The following ALG8 variants were observed in gnomAD, a reference collection of about 807,000 sequenced individuals.
The protein encoded by ALG8 is ALG8 alpha-1,3-glucosyltransferase.
Under a neutral mutation model 70.2 loss-of-function variants are expected in ALG8, and 48 were observed. The observed-to-expected ratio is 0.68, with a 90% CI of 0.54 to 0.87. The LOEUF (loss-of-function observed/expected upper bound fraction) is 0.87, where lower values mean the gene tolerates loss of function less well. ALG8 is among the 40% of genes least tolerant of loss of function. The pLI, the probability that ALG8 is intolerant of heterozygous loss-of-function variation, is 0.00. For synonymous variants in ALG8, 234 were observed against 229.0 expected, an observed-to-expected ratio of 1.02 and a Z score of -0.20; for missense variants, 572 against 608.7, an observed-to-expected ratio of 0.94 and a Z score of 0.64.
intron 10 of ALG8, among the ~76,000 whole-genome samples, chr11:78,106,074 C>A (rs1346126697): frequency 2.0e-5 from 3 of 152,178 alleles, no homozygotes; most frequent in Non-Finnish European, 2.9e-5. Flanking sequence ...TCTGGAAAAT[C>A]TGAAATGTAG....
intron 2 of ALG8, among the ~76,000 whole-genome samples, chr11:78,125,200 T>G (rs899418346): frequency 1.3e-5 from 2 of 151,644 alleles, no homozygotes; most frequent in African/African-American, 4.8e-5. Context: ...ACCCGGCTAA[T>G]TTTTTGTATT....
At chr11:78,131,375 G>T (rs1048377257) in intron 1 of ALG8, among the ~76,000 whole-genome samples, 3 of 152,180 alleles carry the variant, frequency 2.0e-5, no homozygotes, top group Non-Finnish European at 2.9e-5. Flanking sequence ...GGCCATGGTG[G>T]GAGGATAGCT....
intron 3 of ALG8, among the ~76,000 whole-genome samples, chr11:78,123,310 A>G (rs1860906809): frequency 8.6e-6 from 1 of 116,394 alleles, no homozygotes; most frequent in Admixed American, 8.5e-5. Flanking sequence ...CTCAGGGAAA[A>G]AAAAGAAAAA....
chr11:78,119,077 C>A, intron 5 of ALG8, 105 bp downstream of exon 5: 1 of 859,120 alleles, frequency 1.2e-6, no homozygotes, highest in Non-Finnish European at 1.9e-6. Flanking sequence ...CACTTGGCAG[C>A]TCAAAACAGT....
chr11:78,111,269 G>A (rs1191063740), intron 8 of ALG8, among the ~76,000 whole-genome samples: 3 of 152,150 alleles, frequency 2.0e-5, no homozygotes, highest in East Asian at 1.9e-4. Flanking sequence ...ACTAATAGGT[G>A]GTAAAACTGA....
rs886048689 is a variant in ALG8, at chr11:78,139,593, G to A, written c.-5C>T. On this transcript the variant is annotated 5_prime_UTR_variant, in exon 1 of 13. Transcript: ENST00000299626. Reference sequence around the variant, plus strand: ...GGCAATTGTGAGCGCCGCCATTGCTGCGGCACCGCACGCTTCCCACCAACT... The same window carrying A: ...GGCAATTGTGAGCGCCGCCATTGCTACGGCACCGCACGCTTCCCACCAACT... The A allele has an allele frequency of 3.9e-6, 6 of 1,553,466 alleles. No homozygotes were observed. The African/African-American group carries it at 4.1e-5, about 11-fold the overall frequency.
chr11:78,132,396 CCTT>C, intron 1 of ALG8, among the ~76,000 whole-genome samples: 1 of 152,288 alleles, frequency 6.6e-6, no homozygotes, highest in South Asian at 2.1e-4. Flanking sequence ...TCCTGACTCT[CCTT>C]CTGCCTCCTC....
In ALG8 at chr11:78,101,096, C is replaced by A; in HGVS notation, c.1449G>T (p.Trp483Cys). The change falls in exon 13 of 13, where the codon TGG becomes TGT. Residue 483 changes from tryptophan to cysteine, a missense_variant. Coordinates refer to ENST00000299626, the MANE Select transcript of ALG8 (RefSeq NM_024079.5). ...CCEFVFPFTS[W>C]KVKYPFIPLL... is the part of the protein sequence containing the mutation. ...AAGGGATGAAGGGGTACTTCACCTT[C>A]CAGGAGGTGAAAGGGAATACAAATT... 2 of 1,614,124 alleles carry A rather than the reference C, an allele frequency of 1.2e-6. No homozygotes were observed. The highest frequency in any genetic ancestry group is 1.7e-6 in the Non-Finnish European group (2 of 1,180,004).
rs200665495 is a variant in ALG8, at chr11:78,119,132, C to G, written c.546+50G>C. The stretch of plus-strand genomic sequence containing the variant: ...CCCACTACACTGTTCCCTTTACAAT[C>G]TAAAAACTAATCTAAAAGGGAAAAA... On this transcript the variant is annotated intron_variant, in intron 5 of 12. Transcript: ENST00000299626. 5.5e-4 allele frequency: 794 copies of G among 1,455,150 alleles called. 1 individual carries two copies. Among genetic ancestry groups the G allele is most frequent in the Non-Finnish European group, 6.7e-4 (702 of 1,040,646 alleles). 90.1% of individuals were successfully genotyped at this position (1,455,150 alleles called of 1,614,324 possible). A position where few individuals can be genotyped will look rare whatever the true frequency, so the allele number is the denominator to read the frequency against.
intron 3 of ALG8, among the ~76,000 whole-genome samples, chr11:78,122,119 T>C (rs1381219099): frequency 1.3e-5 from 2 of 152,158 alleles, no homozygotes; most frequent in Non-Finnish European, 2.9e-5. Context: ...AAGACGATAT[T>C]GAAAATGTGC....
intron 5 of ALG8, among the ~76,000 whole-genome samples, chr11:78,117,945 C>T (rs1375237731): frequency 6.6e-6 from 1 of 151,830 alleles, no homozygotes; most frequent in Non-Finnish European, 1.5e-5. Flanking sequence ...GTGGCAGGCG[C>T]CTGTAGTCCC....
chr11:78,139,585 C>A lies in ALG8; in HGVS notation c.4G>T (p.Ala2Ser), dbSNP rs375167202. ...GTACCCGTGGCAATTGTGAGCGCCG[C>A]CATTGCTGCGGCACCGCACGCTTCC... MAALTIATGTGN... is the reference protein window; with the variant it reads MSALTIATGTGN... Residue 2 changes from alanine to serine, a missense_variant, in exon 1 of 13, where the codon GCG becomes TCG. By Grantham distance (99) the Ala-to-Ser change is moderately conservative. Transcript: ENST00000299626. 3 of 1,554,776 alleles carry A rather than the reference C, an allele frequency of 1.9e-6. No homozygotes were observed. Among genetic ancestry groups the A allele is most frequent in the African/African-American group, 2.7e-5 (2 of 73,242 alleles).
chr11:78,125,193 C>T (rs562011607), intron 2 of ALG8, among the ~76,000 whole-genome samples: 80 of 151,806 alleles, frequency 5.3e-4, no homozygotes, highest in Non-Finnish European at 9.1e-4. Context: ...CCACCACACC[C>T]GGCTAATTTT....
chr11:78,102,034 G>T (rs117961204), intron 12 of ALG8, among the ~76,000 whole-genome samples: 3,883 of 152,220 alleles, frequency 0.026, 83 homozygotes, highest in Middle Eastern at 0.048. Flanking sequence ...TAGAGACAAG[G>T]TTTCACCAGA....
chr11:78,109,101 C>G (rs951656687), intron 9 of ALG8, among the ~76,000 whole-genome samples: 2 of 152,140 alleles, frequency 1.3e-5, no homozygotes, highest in African/African-American at 4.8e-5. Context: ...GTGAGAAAAA[C>G]AAACCAAATC....
Position 78,104,012 on chromosome 11 carries a change from T to C in ALG8, c.1317A>G (p.Ile439Met). The stretch of plus-strand genomic sequence containing the variant: ...AAGTCTTCAGTGACGAAATACTATA[T>C]ATGGTGAATAGTAACATGAGTAAGA... ...IKILLMLLFT[I>M]YSISSLKTLF... The change falls in exon 12 of 13, where the codon ATA (isoleucine) becomes ATG (methionine). Residue 439 changes from isoleucine to methionine, a missense_variant. Transcript: ENST00000299626. The C allele has an allele frequency of 1.3e-6, 2 of 1,507,648 alleles. No homozygotes were observed. Among genetic ancestry groups the C allele is most frequent in the Non-Finnish European group, 1.8e-6 (2 of 1,087,012 alleles). The allele number at this position is 1,507,648 out of a possible 1,614,324, so 93.4% of individuals were successfully genotyped here.
rs894400546 is a variant in ALG8 at position 78,119,311 on chromosome 11, G to A, written c.479-62C>T. On this transcript the variant is annotated intron_variant, in intron 4 of 12. Transcript: ENST00000299626. ...AAATTCATAATGAACTATACCAGCT[G>A]ATGGAGTATAGAAATTCCAAATGCT... 22 of 1,209,274 alleles carry A rather than the reference G, an allele frequency of 1.8e-5. No homozygotes were observed. The African/African-American group carries it at 3.1e-4, about 17-fold the overall frequency. The allele number at this position is 1,209,274 out of a possible 1,614,324, so 74.9% of individuals were successfully genotyped here.
chr11:78,109,646 A>G (rs1860195053), intron 8 of ALG8, 65 bp from the exon 9 acceptor site: 1 of 1,444,916 alleles, frequency 6.9e-7, no homozygotes, highest in Non-Finnish European at 9.7e-7. Context: ...ATATATTAAC[A>G]ATCAATTCCT....
At chr11:78,114,632 T>G in intron 5 of ALG8, 1 of 543,014 alleles carries the variant, frequency 1.8e-6, no homozygotes. Flanking sequence ...CTACAACTTT[T>G]CTGGAAAGCT....
Sources: allele counts gnomAD v4.1 joint callset (sites outside exome capture counted in the v4.1 genomes callset), GRCh38; gene constraint gnomAD v4.1.1; transcripts MANE v1.5; gene names NCBI Gene and HGNC (gene_info 2026-07-23, HGNC 2026-07-21).